Variants in PREP observed in about 807,000 individuals in gnomAD.
PREP encodes prolyl endopeptidase.
PREP carries 29 observed loss-of-function variants against 87.6 expected under a neutral mutation model. That is an observed-to-expected ratio of 0.33 (90% CI 0.25 to 0.45). The LOEUF (loss-of-function observed/expected upper bound fraction) is 0.45. PREP is among the 20% of genes least tolerant of loss of function. The probability of loss-of-function intolerance (pLI) is 1.00; values close to 1 mark genes in which losing one functional copy is unlikely to be tolerated. For missense variants in PREP, 695 were observed against 886.5 expected (o/e 0.78, Z 2.74); for synonymous variants, 337 against 328.6 (o/e 1.03, Z -0.28).
intron 2 of PREP, among the ~76,000 whole-genome samples, chr6:105,385,367 C>A (rs1249164212): frequency 6.7e-6 from 1 of 148,948 alleles, no homozygotes; most frequent in African/African-American, 2.5e-5. Flanking sequence ...GCTACAGATA[C>A]TCAAATTTAG....
At chr6:105,289,043 C>A (rs1370704368) in intron 10 of PREP, 149 bp from the exon 11 acceptor site, 2 of 766,126 alleles carry the variant, frequency 2.6e-6, no homozygotes, top group African/African-American at 1.8e-5. Flanking sequence ...TGGTGAAGCA[C>A]CTTTCAGTTT....
chr6:105,307,904 C>T (rs538991627), intron 10 of PREP, among the ~76,000 whole-genome samples: 5 of 152,140 alleles, frequency 3.3e-5, no homozygotes, highest in African/African-American at 7.2e-5. Flanking sequence ...TGAGCCACTG[C>T]GCCCGGCCAC....
At chr6:105,370,723 T>A (rs1192488398) in intron 5 of PREP, among the ~76,000 whole-genome samples, 1 of 152,276 alleles carries the variant, frequency 6.6e-6, no homozygotes, top group East Asian at 1.9e-4. Flanking sequence ...AAAAGGCCTG[T>A]AGGGAACTTA....
intron 5 of PREP, among the ~76,000 whole-genome samples, chr6:105,371,500 C>CAAAAAAAAAAAAAAAAAAAAAAAAAA (rs528772896): frequency 1.1e-4 from 5 of 44,804 alleles, no homozygotes; most frequent in Admixed American, 3.4e-4. Context: ...GATTCCATCT[C>CAAAAAAAAAAAAAAAAAAAAAAAAAA]AAAAAAAAAA....
chr6:105,369,009 G>A lies in PREP; in HGVS notation c.611C>T (p.Thr204Ile). 6.2e-7 allele frequency: 1 copy of A among 1,613,916 alleles called. No homozygotes were observed. The highest frequency in any genetic ancestry group is 8.5e-7 in the Non-Finnish European group (1 of 1,179,848). The change falls in exon 6 of 15, where the codon ACC becomes ATC. Residue 204 changes from threonine to isoleucine, a missense_variant. Physicochemically the swap from Thr to Ile is moderately conservative, Grantham distance 89 (BLOSUM62 -1). Around this residue, in one of 5 missense-constraint regions of PREP, gnomAD observed 517 missense variants for 620.3 expected, o/e 0.83. Coordinates refer to ENST00000652536, the MANE Select transcript of PREP (RefSeq NM_002726.5). ...DGKSDGTETS[T>I]NLHQKLYYHV... ...GTAGTAGAGCTTTTGGTGGAGATTGGTAGATGTCTCTGTGCCTGAAGGAGT... is the reference window on the plus strand; with the variant it reads ...GTAGTAGAGCTTTTGGTGGAGATTGATAGATGTCTCTGTGCCTGAAGGAGT...
intron 7 of PREP, among the ~76,000 whole-genome samples, chr6:105,346,822 C>T (rs563892780): frequency 2.0e-5 from 3 of 152,198 alleles, no homozygotes; most frequent in African/African-American, 4.8e-5. Flanking sequence ...AAATGTAGGT[C>T]GGGTGCAGTG....
At chr6:105,327,888 A>G (rs1771213200) in intron 9 of PREP, among the ~76,000 whole-genome samples, 1 of 152,170 alleles carries the variant, frequency 6.6e-6, no homozygotes, top group South Asian at 2.1e-4. Context: ...CGCTACAAAA[A>G]CAGTGCAGAT....
intron 7 of PREP, among the ~76,000 whole-genome samples, chr6:105,334,888 A>G (rs1277992209): frequency 6.6e-6 from 1 of 152,106 alleles, no homozygotes; most frequent in Non-Finnish European, 1.5e-5. Context: ...TACACAACCT[A>G]GCACCCAGCT....
intron 10 of PREP, among the ~76,000 whole-genome samples, chr6:105,300,653 T>C (rs1340104420): frequency 3.3e-5 from 5 of 152,158 alleles, no homozygotes; most frequent in Non-Finnish European, 7.4e-5. Context: ...AGAAATGGTG[T>C]ACATTTATAT....
chr6:105,354,001 TACAA>T (rs1009327302), intron 6 of PREP, among the ~76,000 whole-genome samples: 2 of 152,146 alleles, frequency 1.3e-5, no homozygotes, highest in Admixed American at 6.5e-5. Context: ...AAAAATCTAA[TACAA>T]ACAATGTATT....
At chr6:105,289,196 CAT>C (rs1355225094) in intron 10 of PREP, among the ~76,000 whole-genome samples, 1 of 152,216 alleles carries the variant, frequency 6.6e-6, no homozygotes, top group Non-Finnish European at 1.5e-5. Flanking sequence ...TGCATCCCCA[CAT>C]GTGGCCATCG....
intron 7 of PREP, among the ~76,000 whole-genome samples, chr6:105,336,977 T>A (rs78439404): frequency 6.6e-6 from 1 of 151,898 alleles, no homozygotes; most frequent in African/African-American, 2.4e-5. Flanking sequence ...ATTTTTTTTT[T>A]AATTTCCAGA....
chr6:105,321,367 G>C (rs569832505), intron 10 of PREP, among the ~76,000 whole-genome samples: 4 of 152,312 alleles, frequency 2.6e-5, no homozygotes, highest in Non-Finnish European at 1.5e-5. Context: ...ACTTTTGTTT[G>C]GGAAGTGGAG....
At chr6:105,313,063 G>A (rs1770792203) in intron 10 of PREP, among the ~76,000 whole-genome samples, 1 of 152,122 alleles carries the variant, frequency 6.6e-6, no homozygotes, top group South Asian at 2.1e-4. Context: ...CTTACATTGA[G>A]TCAGCACAGA....
At chr6:105,295,709 G>C (rs1034015017) in intron 10 of PREP, among the ~76,000 whole-genome samples, 26 of 152,154 alleles carry the variant, frequency 1.7e-4, no homozygotes, top group African/African-American at 6.3e-4. Flanking sequence ...ATACACATAG[G>C]AGTTATTATT....
chr6:105,348,133 C>G (rs927648736), intron 7 of PREP, among the ~76,000 whole-genome samples: 13 of 152,138 alleles, frequency 8.5e-5, no homozygotes, highest in Non-Finnish European at 1.2e-4. Flanking sequence ...CTTGATACTT[C>G]TTCACTTTTG....
chr6:105,400,989 G>A (rs1036808279), intron 1 of PREP, among the ~76,000 whole-genome samples: 2 of 152,058 alleles, frequency 1.3e-5, no homozygotes, highest in Admixed American at 6.6e-5. Flanking sequence ...ATACTCCACC[G>A]TAAGCTATCA....
At chr6:105,322,676 A>T (rs537388301) in intron 10 of PREP, 1 of 996,274 alleles carries the variant, frequency 1.0e-6, no homozygotes, top group Non-Finnish European at 1.2e-6. Context: ...ACAAATGGGC[A>T]TGTGTTCTCC....
At chr6:105,400,651 T>G (rs750206067) in intron 1 of PREP, among the ~76,000 whole-genome samples, 3 of 152,214 alleles carry the variant, frequency 2.0e-5, no homozygotes, top group Non-Finnish European at 2.9e-5. Context: ...TATCAGAGTG[T>G]GAGTCCCCTG....
Sources: gnomAD v4.1 joint callset for allele counts (sites outside exome capture counted in the v4.1 genomes callset) on GRCh38, gnomAD v4.1.1 for gene constraint, gnomAD v4.1.1 regional missense constraint, MANE v1.5 for transcripts, NCBI Gene and HGNC (gene_info 2026-07-23, HGNC 2026-07-21) for gene names.